The following TLR3 variants were observed in gnomAD, a reference collection of about 807,000 sequenced individuals.
TLR3 encodes toll like receptor 3.
TLR3 carries 43 observed loss-of-function variants against 66.4 expected under a neutral mutation model. The observed-to-expected ratio is 0.65, with a 90% CI of 0.51 to 0.83. The LOEUF is 0.83. Ranked by LOEUF, TLR3 falls within the 40% of genes least tolerant of loss-of-function variation. The pLI, the probability that TLR3 is intolerant of heterozygous loss-of-function variation, is 0.00. For missense variants in TLR3, 982 were observed against 1,044.6 expected (o/e 0.94, Z 0.83); for synonymous variants, 397 against 397.2 (o/e 1.00, Z 0.01).
intron 2 of TLR3, 35 bp from the exon 3 acceptor site, chr4:186,078,805 G>T (rs2099302900): frequency 5.1e-6 from 8 of 1,582,662 alleles, no homozygotes; most frequent in South Asian, 1.1e-5. Flanking sequence ...TTGACAGCAA[G>T]ACTCTAACAT....
intron 3 of TLR3, among the ~76,000 whole-genome samples, chr4:186,080,635 A>G (rs2150067159): frequency 6.6e-6 from 1 of 152,116 alleles, no homozygotes; most frequent in Non-Finnish European, 1.5e-5. Flanking sequence ...TTTGTTGCCC[A>G]GGCTGGAGTG....
At chr4:186,076,146 C>T (rs1017952394) in intron 1 of TLR3, among the ~76,000 whole-genome samples, 5 of 152,060 alleles carry the variant, frequency 3.3e-5, no homozygotes, top group Non-Finnish European at 5.9e-5. Flanking sequence ...GAGCCAGATT[C>T]CATCTCAAAA....
chr4:186,076,815 T>C lies in TLR3; in HGVS notation c.196T>C (p.Leu66=). The change falls in exon 2 of 5, where the codon TTA becomes CTA. Residue 66 remains leucine (L), a synonymous_variant. Transcript: ENST00000296795. ...CCTTACCCATAATCAACTCAGAAGA[T>C]TACCAGCCGCCAACTTCACAAGGTA... ...LNLTHNQLRR[L]PAANFTRYSQ... 1 of 1,614,118 alleles carries C rather than the reference T, an allele frequency of 6.2e-7. No homozygotes were observed. The highest frequency in any genetic ancestry group is 8.5e-7 in the Non-Finnish European group (1 of 1,180,020).
chr4:186,079,310 A>G (rs78726532), intron 3 of TLR3, among the ~76,000 whole-genome samples: 5,903 of 152,300 alleles, frequency 0.039, 241 homozygotes, highest in Middle Eastern at 0.12. Context: ...GTCCTCACTT[A>G]TAAAGTGGAA....
Position 186,078,902 on chromosome 4 carries a change from T to C in TLR3, c.504T>C (p.Val168=), listed in dbSNP as rs1191195238. 6.2e-7 allele frequency: 1 copy of C among 1,614,022 alleles called. No individual in the cohort carries two copies. Among genetic ancestry groups the C allele is most frequent in the East Asian group, 2.2e-5 (1 of 44,866 alleles). The change falls in exon 3 of 5, where the codon GTT becomes GTC. Residue 168 remains valine (V), a synonymous_variant. Coordinates refer to ENST00000296795, the MANE Select transcript of TLR3 (RefSeq NM_003265.3). ...GLSSTKLGTQ[V]QLENLQELLL... ...CATCTACAAAATTAGGAACTCAGGT[T>C]CAGCTGGAAAATCTCCAAGAGCTTC...
intron 3 of TLR3, among the ~76,000 whole-genome samples, chr4:186,081,365 C>G (rs533698065): frequency 1.4e-3 from 215 of 152,266 alleles, no homozygotes; most frequent in African/African-American, 4.9e-3. Flanking sequence ...TGGATTCCTC[C>G]TCTCCCACCT....
rs2099303896 is a variant in TLR3, at chr4:186,083,612, G to T, written c.1926G>T (p.Met642Ile). Reference sequence around the variant, plus strand: ...TCAGGAACCTGACTGAGTTAGATATGCGCTTTAATCCCTTTGATTGCACGT... The same window carrying T: ...TCAGGAACCTGACTGAGTTAGATATTCGCTTTAATCCCTTTGATTGCACGT... The part of the protein sequence containing the change: ...PAFRNLTELD[M>I]RFNPFDCTCE... The change falls in exon 4 of 5, where the codon ATG becomes ATT. Residue 642 changes from methionine (M) to isoleucine (I), a missense_variant. Physicochemically the swap from Met to Ile is conservative, Grantham distance 10. Transcript: ENST00000296795. The surrounding 1 kb of genome is among the most constrained non-coding windows in gnomAD (Gnocchi z 4.0). 1 of 1,609,640 alleles carries T rather than the reference G, an allele frequency of 6.2e-7. No homozygotes were observed. Among genetic ancestry groups the T allele is most frequent in the African/African-American group, 1.3e-5 (1 of 74,680 alleles).
At chr4:186,077,195 A>C in intron 2 of TLR3, 135 bp downstream of exon 2, 2 of 920,094 alleles carry the variant, frequency 2.2e-6, no homozygotes, top group Non-Finnish European at 3.3e-6. Context: ...TGCCATTATA[A>C]TAGAAAATGC....
In TLR3 at chr4:186,083,797, T is replaced by A; in HGVS notation, c.2111T>A (p.Leu704His). ...TGCAAAGACAGTGCCCCCTTTGAAC[T>A]CTTTTTCATGATCAATACCAGTATC... ...SSCKDSAPFE[L>H]FFMINTSILL... is the part of the protein sequence containing the mutation. The change falls in exon 4 of 5, where the codon CTC (leucine) becomes CAC (histidine). Residue 704 changes from leucine (L) to histidine (H), a missense_variant. By Grantham distance (99) the Leu-to-His change is moderately conservative (BLOSUM62 -3). This residue lies in a region of TLR3 where 666 missense variants were observed against 709.0 expected (regional missense o/e 0.94). Transcript: ENST00000296795. The surrounding 1 kb of genome is among the most constrained non-coding windows in gnomAD (Gnocchi z 4.0). The A allele has an allele frequency of 6.2e-7, 1 of 1,614,070 alleles. No individual in the cohort carries two copies. The highest frequency in any genetic ancestry group is 8.5e-7 in the Non-Finnish European group (1 of 1,179,972).
chr4:186,079,031 G>C lies in TLR3; in HGVS notation c.633G>C (p.Glu211Asp), dbSNP rs1399238369. 8 of 1,611,680 alleles carry C rather than the reference G, an allele frequency of 5.0e-6. No individual in the cohort carries two copies. Among genetic ancestry groups the C allele is most frequent in the Non-Finnish European group, 6.8e-6 (8 of 1,178,484 alleles). The change falls in exon 3 of 5, where the codon GAG becomes GAC. Residue 211 changes from glutamate (E) to aspartate (D), a missense_variant and splice_region_variant. Coordinates refer to ENST00000296795, the MANE Select transcript of TLR3 (RefSeq NM_003265.3). ...AGTTGTCATCGAATCAAATTAAAGA[G>C]GTAAGAAGTAAGGTAAAATTATTTT... ...KLELSSNQIK[E>D]FSPGCFHAIG...
At chr4:186,076,465 A>G (rs2099302468) in intron 1 of TLR3, 148 bp from the exon 2 acceptor site, 2 of 804,768 alleles carry the variant, frequency 2.5e-6, no homozygotes, top group African/African-American at 1.7e-5. Flanking sequence ...TGACTTGTAT[A>G]ATATGTACTT....
rs1317084653 is a variant in TLR3, at chr4:186,085,929, A to G, written c.*1056A>G. 1 of 152,058 alleles carries G rather than the reference A, an allele frequency of 6.6e-6. No homozygotes were observed. Among genetic ancestry groups the G allele is most frequent in the Non-Finnish European group, 1.5e-5 (1 of 68,030 alleles). The allele number at this position is 152,058 out of a possible 1,614,324, so 9.4% of individuals were successfully genotyped here. On this transcript the variant is annotated 3_prime_UTR_variant, in exon 5 of 5. Coordinates refer to ENST00000296795, the MANE Select transcript of TLR3 (RefSeq NM_003265.3). Reference sequence around the variant, plus strand: ...GCCCAGGCTGGAGTTCAGTGGTCCAACCTCGGCCCACCGCAACCTCCACCT... The same window carrying G: ...GCCCAGGCTGGAGTTCAGTGGTCCAGCCTCGGCCCACCGCAACCTCCACCT...
chr4:186,081,456 A>G (rs1485171495), intron 3 of TLR3, among the ~76,000 whole-genome samples: 1 of 152,092 alleles, frequency 6.6e-6, no homozygotes, highest in Non-Finnish European at 1.5e-5. Flanking sequence ...AGGGAGCTGG[A>G]AAAACACGAT....
chr4:186,080,638 C>G (rs778041389), intron 3 of TLR3, among the ~76,000 whole-genome samples: 7 of 152,028 alleles, frequency 4.6e-5, no homozygotes, highest in Non-Finnish European at 8.8e-5. Context: ...GTTGCCCAGG[C>G]TGGAGTGCAG....
chr4:186,083,131 T>G lies in TLR3; in HGVS notation c.1445T>G (p.Leu482Arg). ...TRNSFALVPS[L>R]QRLMLRRVAL... ...AACTCCTTTGCCTTGGTCCCAAGCC[T>G]TCAACGACTGATGCTCCGAAGGGTG... Residue 482 changes from leucine (L) to arginine (R), a missense_variant, in exon 4 of 5, where the codon CTT becomes CGT. By Grantham distance (102) the Leu-to-Arg change is moderately radical. Coordinates refer to ENST00000296795, the MANE Select transcript of TLR3 (RefSeq NM_003265.3). This position sits in a 1 kb window ranked among gnomAD's most constrained non-coding sequence, Gnocchi z 4.0. 1 of 1,614,204 alleles carries G rather than the reference T, an allele frequency of 6.2e-7. No homozygotes were observed. The highest frequency in any genetic ancestry group is 8.5e-7 in the Non-Finnish European group (1 of 1,180,018).
At position 186,083,903 on chromosome 4, in the gene TLR3, T is replaced by C. The variant is rs116269970; in HGVS notation, c.2217T>C (p.His739=). Residue 739 remains histidine, a synonymous_variant, in exon 4 of 5, where the codon CAT becomes CAC. Transcript: ENST00000296795. This position sits in a 1 kb window ranked among gnomAD's most constrained non-coding sequence, Gnocchi z 4.0. ...RISFYWNVSV[H]RVLGFKEIDR... ...CTTTTTATTGGAATGTTTCAGTACA[T>C]CGAGTTCTTGGTTTCAAAGAAATAG... is the stretch of plus-strand genomic sequence containing the variant. The C allele has an allele frequency of 1.9e-4, 300 of 1,614,188 alleles. 1 individual carries two copies. In the African/African-American group the frequency reaches 3.6e-3, roughly 19 times the overall value.
In TLR3 at chr4:186,083,307, A is replaced by T; in HGVS notation, c.1621A>T (p.Asn541Tyr). The T allele has an allele frequency of 6.2e-7, 1 of 1,614,132 alleles. No homozygotes were observed. Among genetic ancestry groups the T allele is most frequent in the Non-Finnish European group, 8.5e-7 (1 of 1,180,026 alleles). The change falls in exon 4 of 5, where the codon AAC becomes TAC. Residue 541 changes from asparagine (N) to tyrosine (Y), a missense_variant. Physicochemically the swap from Asn to Tyr is moderately radical, Grantham distance 143. Transcript: ENST00000296795. The surrounding 1 kb of genome is among the most constrained non-coding windows in gnomAD (Gnocchi z 4.0). ...KLEILDLQHN[N>Y]LARLWKHANP... The stretch of plus-strand genomic sequence containing the variant: ...AGAAATTCTCGATTTGCAGCATAAC[A>T]ACTTAGCACGGCTCTGGAAACACGC...
Position 186,084,799 on chromosome 4 carries a change from G to T in TLR3, c.2641G>T (p.Val881Phe). 1 of 1,614,118 alleles carries T rather than the reference G, an allele frequency of 6.2e-7. No individual in the cohort carries two copies. Among genetic ancestry groups the T allele is most frequent in the Non-Finnish European group, 8.5e-7 (1 of 1,180,010 alleles). ...ATCTCACTGCATCTTGAACTGGCCA[G>T]TTCAGAAAGAACGGATAGGTGCCTT... ...FKSHCILNWP[V>F]QKERIGAFRH... The change falls in exon 5 of 5, where the codon GTT becomes TTT. Residue 881 changes from valine (V) to phenylalanine (F), a missense_variant. Around this residue, in one of 3 missense-constraint regions of TLR3, gnomAD observed 666 missense variants for 709.0 expected, o/e 0.94. Coordinates refer to ENST00000296795, the MANE Select transcript of TLR3 (RefSeq NM_003265.3).
At chr4:186,079,973 A>C (rs143082057) in intron 3 of TLR3, among the ~76,000 whole-genome samples, 1 of 152,326 alleles carries the variant, frequency 6.6e-6, no homozygotes, top group Non-Finnish European at 1.5e-5. Context: ...AGCTGGGCAC[A>C]GGAAGATTGT....
Sources: gnomAD v4.1 joint callset for allele counts (sites outside exome capture counted in the v4.1 genomes callset) on GRCh38, gnomAD v4.1.1 for gene constraint, gnomAD v4.1.1 regional missense constraint, Gnocchi (gnomAD v3.1) non-coding constraint, MANE v1.5 for transcripts, NCBI Gene and HGNC (gene_info 2026-07-23, HGNC 2026-07-21) for gene names.